PTPRO: variants seen among roughly 807,000 people sequenced by gnomAD.
The protein encoded by PTPRO is protein tyrosine phosphatase receptor type O.
PTPRO carries 62 observed loss-of-function variants against 145.2 expected under a neutral mutation model. That is an observed-to-expected ratio of 0.43 (90% CI 0.35 to 0.53). The LOEUF (loss-of-function observed/expected upper bound fraction) is 0.53, where lower values mean the gene tolerates loss of function less well. Among genes scored for constraint, PTPRO ranks in the 20% least tolerant of loss-of-function variants. The pLI is 0.01. For missense variants in PTPRO, 1,345 were observed against 1,482.7 expected (o/e 0.91, Z 1.53); for synonymous variants, 565 against 514.7 (o/e 1.10, Z -1.32).
intron 1 of PTPRO, among the ~76,000 whole-genome samples, chr12:15,377,978 C>T (rs890279492): frequency 6.6e-6 from 1 of 151,964 alleles, no homozygotes; most frequent in Non-Finnish European, 1.5e-5. Flanking sequence ...CTAAAACTTA[C>T]AAGATATAGC....
chr12:15,334,416 G>T (rs1866698081), intron 1 of PTPRO, among the ~76,000 whole-genome samples: 1 of 152,090 alleles, frequency 6.6e-6, no homozygotes, highest in Non-Finnish European at 1.5e-5. Context: ...ATTCATGAGT[G>T]CTACATAAAG....
rs1944293389 is a variant in PTPRO at position 15,580,756 on chromosome 12, T to C, written c.3057T>C (p.Asn1019=). The stretch of plus-strand genomic sequence containing the variant: ...AGGGGCCACTGCCTGAAACCAGAAA[T>C]GACTTCTGGAAGATGGTCCTGCAAC... The part of the protein sequence containing the change: ...ATQGPLPETR[N]DFWKMVLQQK... Residue 1019 remains asparagine (N), a synonymous_variant, in exon 22 of 27, where the codon AAT becomes AAC. Transcript: ENST00000281171. 4 of 1,614,088 alleles carry C rather than the reference T, an allele frequency of 2.5e-6. No homozygotes were observed. In the African/African-American group the frequency reaches 5.3e-5, roughly 22 times the overall value.
At chr12:15,414,443 AGTGGCACTAAAC>A (rs1196858925) in intron 1 of PTPRO, among the ~76,000 whole-genome samples, 1 of 152,192 alleles carries the variant, frequency 6.6e-6, no homozygotes, top group East Asian at 1.9e-4. Flanking sequence ...AGCTAGGTGC[AGTGGCACTAAAC>A]GTCTTTTTTT....
intron 19 of PTPRO, among the ~76,000 whole-genome samples, chr12:15,573,012 GGCTACAATCAA>G (rs59144886): frequency 0.026 from 3,893 of 152,220 alleles, 162 homozygotes; most frequent in African/African-American, 0.088. Flanking sequence ...TATGGGATGA[GGCTACAATCAA>G]GCTTTATAAC....
chr12:15,332,187 G>A (rs1192466577), intron 1 of PTPRO, among the ~76,000 whole-genome samples: 3 of 151,896 alleles, frequency 2.0e-5, no homozygotes, highest in Non-Finnish European at 2.9e-5. Flanking sequence ...GGTTGGTCTT[G>A]AACTTCTGAC....
At chr12:15,403,690 C>G (rs562951027) in intron 1 of PTPRO, among the ~76,000 whole-genome samples, 1 of 152,298 alleles carries the variant, frequency 6.6e-6, no homozygotes, top group East Asian at 1.9e-4. Flanking sequence ...AGTCCATTTA[C>G]TGCCCTACAA....
In PTPRO at chr12:15,553,741, T is replaced by C. The variant is rs556851368; in HGVS notation, c.2558+2070T>C. 2.2e-4 allele frequency among the ~76,000 whole-genome samples: 33 copies of C among 152,276 alleles called. No individual in the cohort carries two copies. The South Asian group carries it at 2.9e-3, about 13-fold the overall frequency. ...ACTTTTATGTAGAAAACAGGCTGTATTGAGGCAAGGACAGAGACAGGCATA... is the reference window on the plus strand; with the variant it reads ...ACTTTTATGTAGAAAACAGGCTGTACTGAGGCAAGGACAGAGACAGGCATA... On this transcript the variant is annotated intron_variant, in intron 15 of 26. Transcript: ENST00000281171.
intron 1 of PTPRO, among the ~76,000 whole-genome samples, chr12:15,350,079 T>C (rs778704195): frequency 2.0e-4 from 31 of 152,220 alleles, no homozygotes; most frequent in Non-Finnish European, 4.1e-4. Flanking sequence ...GAAAATCATC[T>C]ACCTGTAGGT....
chr12:15,454,255 C>T (rs1585477), intron 1 of PTPRO, among the ~76,000 whole-genome samples: 130,840 of 152,200 alleles, frequency 0.86, 59,125 homozygotes, highest in Non-Finnish European at 0.99. Context: ...TGTGCCATCC[C>T]AACAGTTGTG....
intron 21 of PTPRO, 81 bp from the exon 22 acceptor site, chr12:15,580,616 A>C: frequency 1.3e-6 from 2 of 1,574,932 alleles, no homozygotes; most frequent in Non-Finnish European, 1.7e-6. Context: ...GTAAGTTTTC[A>C]GTTTTTTTCC....
chr12:15,586,926 T>G lies in PTPRO; in HGVS notation c.3285T>G (p.Phe1095Leu), dbSNP rs1296186063. 3 of 1,614,120 alleles carry G rather than the reference T, an allele frequency of 1.9e-6. No homozygotes were observed. Among genetic ancestry groups the G allele is most frequent in the Non-Finnish European group, 2.5e-6 (3 of 1,180,004 alleles). ...ACGAGATGCAGGATGTGATGCATTT[T>G]AACTACACTGCATGGCCTGATCATG... Reference protein sequence around the residue: ...YADEMQDVMHFNYTAWPDHGV... With the variant: ...YADEMQDVMHLNYTAWPDHGV... Residue 1095 changes from phenylalanine to leucine, a missense_variant, in exon 24 of 27, where the codon TTT (phenylalanine) becomes TTG (leucine). Physicochemically the swap from Phe to Leu is conservative, Grantham distance 22. Around this residue, in one of 3 missense-constraint regions of PTPRO, gnomAD observed 208 missense variants for 242.8 expected, o/e 0.86. Transcript: ENST00000281171.
chr12:15,513,952 C>CA (rs796619216), intron 7 of PTPRO, among the ~76,000 whole-genome samples: 4 of 151,878 alleles, frequency 2.6e-5, no homozygotes, highest in African/African-American at 7.2e-5. Context: ...CCAGGTAGTC[C>CA]AAAAAAAGAA....
At chr12:15,573,909 A>C (rs955586930) in intron 19 of PTPRO, among the ~76,000 whole-genome samples, 3 of 152,194 alleles carry the variant, frequency 2.0e-5, no homozygotes, top group Admixed American at 6.5e-5. Context: ...ATTGAGACTT[A>C]AGGAAAAAAA....
chr12:15,450,521 C>G (rs1359992728), intron 1 of PTPRO, among the ~76,000 whole-genome samples: 1 of 152,166 alleles, frequency 6.6e-6, no homozygotes, highest in Non-Finnish European at 1.5e-5. Context: ...TGCCTGTAAT[C>G]CCAGCACGTT....
intron 1 of PTPRO, among the ~76,000 whole-genome samples, chr12:15,378,612 A>C (rs1938760832): frequency 6.6e-6 from 1 of 152,006 alleles, no homozygotes; most frequent in Non-Finnish European, 1.5e-5. Flanking sequence ...TCTACCAAAC[A>C]TTTATGGGAG....
Position 15,327,430 on chromosome 12 carries a change from C to A in PTPRO, c.75+4629C>A, listed in dbSNP as rs149379415. Among the ~76,000 whole-genome samples, 947 of 152,278 alleles carry A rather than the reference C, an allele frequency of 6.2e-3. 6 individuals carry two copies. Among genetic ancestry groups the A allele is most frequent in the Admixed American group, 0.011 (162 of 15,300 alleles). ...TATTTTTGCCTCCTCTTCCACATCA[C>A]CACTCCGCTATGACCACAACCAACC... On this transcript the variant is annotated intron_variant, in intron 1 of 26. Coordinates refer to ENST00000281171, the MANE Select transcript of PTPRO (RefSeq NM_030667.3).
chr12:15,476,489 C>T (rs978332531), intron 1 of PTPRO, among the ~76,000 whole-genome samples: 14 of 151,180 alleles, frequency 9.3e-5, no homozygotes, highest in East Asian at 2.0e-4. Flanking sequence ...GAGTAGGTTG[C>T]GAAAATTTTC....
intron 6 of PTPRO, among the ~76,000 whole-genome samples, chr12:15,504,991 T>G (rs1249357108): frequency 6.6e-6 from 1 of 152,202 alleles, no homozygotes; most frequent in African/African-American, 2.4e-5. Flanking sequence ...ATTTATCAGA[T>G]GCGTAGAAAG....
chr12:15,379,878 A>C (rs1225735785), intron 1 of PTPRO, among the ~76,000 whole-genome samples: 1 of 152,170 alleles, frequency 6.6e-6, no homozygotes, highest in Non-Finnish European at 1.5e-5. Context: ...CCCAGGTAAT[A>C]TCCTAAAATC....
Sources: allele counts gnomAD v4.1 joint callset (sites outside exome capture counted in the v4.1 genomes callset), GRCh38; gene constraint gnomAD v4.1.1; regional missense constraint gnomAD v4.1.1; transcripts MANE v1.5; gene names NCBI Gene and HGNC (gene_info 2026-07-23, HGNC 2026-07-21).